The following EFCAB5 variants were observed in gnomAD, a reference collection of about 807,000 sequenced individuals.
The protein encoded by EFCAB5 is EF-hand calcium binding domain 5.
In EFCAB5, 131 loss-of-function variants were observed where a neutral mutation model predicts 167.9. The observed-to-expected ratio is 0.78, with a 90% CI of 0.68 to 0.90. The LOEUF is 0.90. Ranked by LOEUF, EFCAB5 falls within the 40% of genes least tolerant of loss-of-function variation. The pLI, the probability that EFCAB5 is intolerant of heterozygous loss-of-function variation, is 0.00. For synonymous variants in EFCAB5, 574 were observed against 602.8 expected (o/e 0.95, Z 0.70); for missense variants, 1,663 against 1,745.2 (o/e 0.95, Z 0.84).
At chr17:30,023,487 G>T (rs1204392100) in intron 7 of EFCAB5, among the ~76,000 whole-genome samples, 3 of 152,156 alleles carry the variant, frequency 2.0e-5, no homozygotes, top group Non-Finnish European at 4.4e-5. Flanking sequence ...CCAGGAAGAA[G>T]TTGAATCACT....
chr17:30,008,454 TA>T (rs2068821374), intron 7 of EFCAB5, among the ~76,000 whole-genome samples: 1 of 152,084 alleles, frequency 6.6e-6, no homozygotes, highest in Non-Finnish European at 1.5e-5. Context: ...TAGCTGGGCA[TA>T]GTGGCATGTG....
chr17:30,097,669 G>T (rs1000008821), intron 22 of EFCAB5, among the ~76,000 whole-genome samples: 4 of 152,202 alleles, frequency 2.6e-5, no homozygotes, highest in African/African-American at 9.6e-5. Flanking sequence ...GGTTAAAGAT[G>T]CAATGTTTAC....
At chr17:30,036,349 CATATATAATATATAATTATATATAAT>C (rs2069627595) in intron 8 of EFCAB5, among the ~76,000 whole-genome samples, 1 of 114,102 alleles carries the variant, frequency 8.8e-6, no homozygotes, top group Non-Finnish European at 1.7e-5. Flanking sequence ...ATATAATACA[CATATATAATATATAATTATATATAAT>C]ACACATATAT....
intron 7 of EFCAB5, among the ~76,000 whole-genome samples, chr17:30,002,467 G>A (rs993324786): frequency 2.0e-5 from 3 of 152,112 alleles, no homozygotes; most frequent in African/African-American, 4.8e-5. Flanking sequence ...CCAGTTCAGG[G>A]GAAATGTAGA....
intron 4 of EFCAB5, among the ~76,000 whole-genome samples, chr17:29,988,786 C>T (rs1026637053): frequency 4.0e-5 from 6 of 151,848 alleles, no homozygotes; most frequent in Admixed American, 3.9e-4. Context: ...GCAATTTGAT[C>T]CAAAAAAGGA....
At chr17:29,992,924 TATTTAGTTGGGTAAAATAAGG>T (rs2068453712) in intron 4 of EFCAB5, among the ~76,000 whole-genome samples, 1 of 152,230 alleles carries the variant, frequency 6.6e-6, no homozygotes, top group South Asian at 2.1e-4. Flanking sequence ...TTAAGTCTAG[TATTTAGTTGGGTAAAATAAGG>T]CCTACCTCTA....
intron 7 of EFCAB5, among the ~76,000 whole-genome samples, chr17:30,033,959 C>G (rs546037526): frequency 6.6e-6 from 1 of 152,130 alleles, no homozygotes; most frequent in African/African-American, 2.4e-5. Flanking sequence ...GAAAGTCTGC[C>G]CTATATAATG....
At chr17:29,973,171 A>G (rs568501237) in intron 4 of EFCAB5, 1 of 152,366 alleles carries the variant, frequency 6.6e-6, no homozygotes, top group South Asian at 2.1e-4. Context: ...GTCTCTCCCA[A>G]ACCACTTCCC....
intron 17 of EFCAB5, among the ~76,000 whole-genome samples, chr17:30,082,633 C>G (rs1312447693): frequency 1.3e-5 from 2 of 152,010 alleles, no homozygotes; most frequent in Non-Finnish European, 2.9e-5. Flanking sequence ...TCAAGTGATC[C>G]GCCCTGCCTT....
intron 4 of EFCAB5, among the ~76,000 whole-genome samples, chr17:29,972,214 T>TTG (rs535502471): frequency 5.5e-4 from 83 of 150,004 alleles, no homozygotes; most frequent in Non-Finnish European, 1.0e-3. Context: ...ATTTTTTTTT[T>TTG]TTTTTTTTGT....
chr17:29,943,554 T>A lies in EFCAB5; in HGVS notation c.106-11T>A. On this transcript the variant is annotated splice_polypyrimidine_tract_variant and intron_variant, in intron 2 of 22. Coordinates refer to ENST00000394835, the MANE Select transcript of EFCAB5 (RefSeq NM_198529.4). The stretch of plus-strand genomic sequence containing the variant: ...ACATTGAAATTGGTGATTTTTTTCC[T>A]CTTTTCAAAGACCTTACAGAGTGTG... The A allele has an allele frequency of 6.4e-7, 1 of 1,559,612 alleles. No homozygotes were observed. Among genetic ancestry groups the A allele is most frequent in the South Asian group, 1.2e-5 (1 of 83,208 alleles).
intron 7 of EFCAB5, among the ~76,000 whole-genome samples, chr17:30,008,046 C>G (rs2068809803): frequency 8.3e-6 from 1 of 120,656 alleles, no homozygotes; most frequent in Non-Finnish European, 1.7e-5. Context: ...CTTCCCCAAT[C>G]CCCCAATCTA....
intron 3 of EFCAB5, among the ~76,000 whole-genome samples, chr17:29,967,942 G>A (rs762379589): frequency 1.1e-4 from 16 of 140,296 alleles, no homozygotes; most frequent in South Asian, 2.2e-4. Context: ...TGGCATGATC[G>A]TGGCTCACTG....
At chr17:30,040,421 A>T (rs1007297404) in intron 8 of EFCAB5, among the ~76,000 whole-genome samples, 5 of 152,148 alleles carry the variant, frequency 3.3e-5, no homozygotes, top group African/African-American at 1.2e-4. Flanking sequence ...ATTATGGAGA[A>T]CCTTTACTGG....
chr17:30,041,676 C>T (rs902275799), intron 8 of EFCAB5, among the ~76,000 whole-genome samples: 19 of 152,198 alleles, frequency 1.2e-4, no homozygotes, highest in African/African-American at 4.6e-4. Context: ...TATCAAACAG[C>T]ATCACATGCT....
At chr17:30,021,289 A>G (rs1567719633) in intron 7 of EFCAB5, among the ~76,000 whole-genome samples, 1 of 149,188 alleles carries the variant, frequency 6.7e-6, no homozygotes, top group East Asian at 1.9e-4. Context: ...CCTTTACCCC[A>G]TTTTCTCCTT....
At chr17:30,083,094 G>C in intron 18 of EFCAB5, 51 bp downstream of exon 18, 1 of 1,563,126 alleles carries the variant, frequency 6.4e-7, no homozygotes, top group Non-Finnish European at 8.7e-7. Flanking sequence ...CGAGTGTCTA[G>C]ATGTTATTTC....
chr17:30,107,009 G>A (rs912285179), intron 22 of EFCAB5, among the ~76,000 whole-genome samples: 8 of 152,216 alleles, frequency 5.3e-5, no homozygotes, highest in African/African-American at 1.9e-4. Flanking sequence ...GCAGTTAAGT[G>A]ACAAAACTCA....
intron 4 of EFCAB5, among the ~76,000 whole-genome samples, chr17:29,989,170 G>C (rs1044955277): frequency 6.6e-6 from 1 of 152,170 alleles, no homozygotes; most frequent in African/African-American, 2.4e-5. Context: ...TGGCACTATT[G>C]TAGGGTCATT....
Sources: allele counts gnomAD v4.1 joint callset (sites outside exome capture counted in the v4.1 genomes callset), GRCh38; gene constraint gnomAD v4.1.1; transcripts MANE v1.5; gene names NCBI Gene and HGNC (gene_info 2026-07-23, HGNC 2026-07-21).